PRMT8: variants seen among roughly 807,000 people sequenced by gnomAD.
PRMT8 encodes the protein protein arginine N-methyltransferase 8.
A neutral mutation model predicts 47.1 loss-of-function variants in PRMT8; 7 were observed. The ratio of observed to expected loss-of-function variants is 0.15; its 90% CI spans 0.08 to 0.28. The LOEUF (loss-of-function observed/expected upper bound fraction) is 0.28. Ranked by LOEUF, PRMT8 falls within the 10% of genes least tolerant of loss-of-function variation. The probability of loss-of-function intolerance (pLI) is 1.00; values close to 1 mark genes in which losing one functional copy is unlikely to be tolerated. For synonymous variants in PRMT8, 188 were observed against 186.5 expected, an observed-to-expected ratio of 1.01 and a Z score of -0.07; for missense variants, 237 against 505.4, an observed-to-expected ratio of 0.47 and a Z score of 5.09.
chr12:3,452,445 C>T (rs554138655), intron 1 of PRMT8, among the ~76,000 whole-genome samples: 6 of 152,302 alleles, frequency 3.9e-5, no homozygotes, highest in African/African-American at 1.4e-4. Context: ...CCACATTTTT[C>T]ATACATTTTC....
At chr12:3,536,071 C>T (rs1866112834) in intron 1 of PRMT8, among the ~76,000 whole-genome samples, 1 of 152,134 alleles carries the variant, frequency 6.6e-6, no homozygotes, top group Admixed American at 6.5e-5. Flanking sequence ...TATAAGTGTT[C>T]CAATTTGCCT....
intron 1 of PRMT8, among the ~76,000 whole-genome samples, chr12:3,444,856 G>A (rs1487096836): frequency 6.6e-6 from 1 of 152,230 alleles, no homozygotes; most frequent in East Asian, 1.9e-4. Context: ...GCCCCTTCGG[G>A]TGCCTGGCAG....
Position 3,442,460 on chromosome 12 carries a change from TC to T in PRMT8, c.48+61019del, listed in dbSNP as rs1379439992. On this transcript the variant is annotated intron_variant, in intron 1 of 9. Transcript: ENST00000452611. The stretch of plus-strand genomic sequence containing the variant: ...AGCTCTGCCTGGGCTCTTGGTGACA[TC>T]TTTCCTGATCTGTCACCCCATGTGA... Among the ~76,000 whole-genome samples the T allele has an allele frequency of 3.3e-5, 5 of 152,122 alleles. No homozygotes were observed. The East Asian group carries it at 9.7e-4, about 29-fold the overall frequency.
intron 1 of PRMT8, among the ~76,000 whole-genome samples, chr12:3,412,025 G>A (rs1452573841): frequency 1.3e-5 from 2 of 152,186 alleles, no homozygotes; most frequent in East Asian, 1.9e-4. Flanking sequence ...TTAACAATGG[G>A]GATATATTCT....
At chr12:3,402,138 C>A (rs1864324306) in intron 1 of PRMT8, among the ~76,000 whole-genome samples, 1 of 138,898 alleles carries the variant, frequency 7.2e-6, no homozygotes, top group African/African-American at 2.9e-5. Context: ...CAAACACTGA[C>A]TAGTGGAACA....
Position 3,580,327 on chromosome 12 carries a change from GGTGCGT to G in PRMT8, c.829-2721_829-2716del, listed in dbSNP as rs1165331914. On this transcript the variant is annotated intron_variant, in intron 7 of 9. Coordinates refer to ENST00000382622, the MANE Select transcript of PRMT8 (RefSeq NM_019854.5). This position sits in a 1 kb window ranked among gnomAD's most constrained non-coding sequence, Gnocchi z 4.6. Reference sequence around the variant, plus strand: ...GAGGTGGAATTCCTGCCAGATGGGGGGTGCGTGTGCGTGTGTGTGTGTGTGTGTGTG... The same window carrying G: ...GAGGTGGAATTCCTGCCAGATGGGGGGTGCGTGTGTGTGTGTGTGTGTGTG... Among the ~76,000 whole-genome samples, 2 of 131,976 alleles carry G rather than the reference GGTGCGT, an allele frequency of 1.5e-5. No homozygotes were observed. Among genetic ancestry groups the G allele is most frequent in the East Asian group, 4.3e-4 (2 of 4,674 alleles). 86.6% of individuals were successfully genotyped at this position (131,976 alleles called of 152,430 possible). A position where few individuals can be genotyped will look rare whatever the true frequency, so the allele number is the denominator to read the frequency against.
chr12:3,585,606 A>G (rs1190779911), intron 8 of PRMT8, among the ~76,000 whole-genome samples: 6 of 147,042 alleles, frequency 4.1e-5, no homozygotes, highest in African/African-American at 1.5e-4. Flanking sequence ...TCTTTTACCT[A>G]TGGAAAGAGA....
chr12:3,385,974 T>A (rs1864134230), intron 1 of PRMT8, among the ~76,000 whole-genome samples: 1 of 152,268 alleles, frequency 6.6e-6, no homozygotes, highest in Non-Finnish European at 1.5e-5. Context: ...AGTGATTTAC[T>A]GAATTCCTTA....
intron 1 of PRMT8, among the ~76,000 whole-genome samples, chr12:3,391,988 A>T (rs1864197136): frequency 6.6e-6 from 1 of 152,146 alleles, no homozygotes; most frequent in African/African-American, 2.4e-5. Flanking sequence ...GAGGAGAAGG[A>T]TATTGCTCCT....
chr12:3,437,821 G>C (rs1864761124), intron 1 of PRMT8, among the ~76,000 whole-genome samples: 1 of 152,078 alleles, frequency 6.6e-6, no homozygotes, highest in African/African-American at 2.4e-5. Context: ...GCAGCAGACA[G>C]CTCACGGTGT....
At chr12:3,510,796 C>T (rs1865700052) in intron 1 of PRMT8, among the ~76,000 whole-genome samples, 1 of 152,134 alleles carries the variant, frequency 6.6e-6, no homozygotes, top group Non-Finnish European at 1.5e-5. Context: ...TCTTCAGGTC[C>T]ACCTCCACCT....
intron 1 of PRMT8, among the ~76,000 whole-genome samples, chr12:3,530,358 A>C (rs531725252): frequency 1.1e-4 from 16 of 152,226 alleles, no homozygotes; most frequent in Non-Finnish European, 2.2e-4. Flanking sequence ...TAAGAGGGAA[A>C]CACAGACATA....
upstream of PRMT8, among the ~76,000 whole-genome samples, chr12:3,487,691 C>G (rs972022199): frequency 6.6e-6 from 1 of 152,216 alleles, no homozygotes; most frequent in Non-Finnish European, 1.5e-5. Context: ...CCCCAAGGGT[C>G]TCATCCCAAC....
intron 1 of PRMT8, among the ~76,000 whole-genome samples, chr12:3,446,700 T>A (rs796461011): frequency 2.0e-5 from 3 of 152,166 alleles, no homozygotes; most frequent in Admixed American, 6.5e-5. Flanking sequence ...AATGCCGGAG[T>A]GTCTTTTGGG....
intron 1 of PRMT8, among the ~76,000 whole-genome samples, chr12:3,413,476 C>T (rs1305443940): frequency 1.3e-5 from 2 of 152,138 alleles, no homozygotes; most frequent in Non-Finnish European, 2.9e-5. Context: ...TAGGCCTACA[C>T]AGGGTCAGGA....
At chr12:3,585,747 A>G (rs1321218790) in intron 8 of PRMT8, among the ~76,000 whole-genome samples, 1 of 152,014 alleles carries the variant, frequency 6.6e-6, no homozygotes, top group Non-Finnish European at 1.5e-5. Context: ...GATCTGGGTC[A>G]TTATCAGCTG....
At chr12:3,427,083 T>C (rs1864613423) in intron 1 of PRMT8, among the ~76,000 whole-genome samples, 1 of 152,212 alleles carries the variant, frequency 6.6e-6, no homozygotes, top group South Asian at 2.1e-4. Context: ...TTCTGACAAA[T>C]TTCCTTTAGC....
At chr12:3,560,268 G>A (rs972183068) in intron 4 of PRMT8, among the ~76,000 whole-genome samples, 1 of 152,174 alleles carries the variant, frequency 6.6e-6, no homozygotes, top group African/African-American at 2.4e-5. Flanking sequence ...CAGGAGCGTA[G>A]GTGTAGAGAC....
chr12:3,394,398 T>G (rs1046285575), intron 1 of PRMT8, among the ~76,000 whole-genome samples: 1 of 152,112 alleles, frequency 6.6e-6, no homozygotes, highest in Non-Finnish European at 1.5e-5. Flanking sequence ...AATACCTAAT[T>G]TATTGAGAGT....
Sources: allele counts gnomAD v4.1 joint callset (sites outside exome capture counted in the v4.1 genomes callset), GRCh38; gene constraint gnomAD v4.1.1; non-coding constraint Gnocchi (gnomAD v3.1); transcripts MANE v1.5; gene names NCBI Gene and HGNC (gene_info 2026-07-23, HGNC 2026-07-21).